Variants in CCL28 observed in about 807,000 individuals in gnomAD.
The protein encoded by CCL28 is C-C motif chemokine 28.
In CCL28, 4 loss-of-function variants were observed where a neutral mutation model predicts 7.1. That is an observed-to-expected ratio of 0.56 (90% CI 0.28 to 1.29). The LOEUF (loss-of-function observed/expected upper bound fraction) is 1.29. Among genes scored for constraint, CCL28 ranks in the 50% most tolerant of loss-of-function variants. CCL28 has a pLI of 0.11. For missense variants in CCL28, 151 were observed against 163.4 expected (o/e 0.92, Z 0.41); for synonymous variants, 55 against 57.8 (o/e 0.95, Z 0.22).
At chr5:43,378,028 G>A (rs918606716), downstream of CCL28, among the ~76,000 whole-genome samples, 6 of 151,826 alleles carry the variant, frequency 4.0e-5, no homozygotes, top group South Asian at 4.2e-4. Flanking sequence ...CACCGCGCCC[G>A]GCCAGAACTT....
intron 1 of CCL28, among the ~76,000 whole-genome samples, chr5:43,390,508 C>G (rs1375610786): frequency 6.6e-6 from 1 of 152,226 alleles, no homozygotes. Flanking sequence ...CAAAGCCCAA[C>G]AGATCCATCT....
chr5:43,394,522 A>C (rs1319967989), intron 1 of CCL28, among the ~76,000 whole-genome samples: 1 of 152,222 alleles, frequency 6.6e-6, no homozygotes. Flanking sequence ...CGTATATCTT[A>C]GATCTATATT....
the CCL28 span, among the ~76,000 whole-genome samples, chr5:43,361,041 A>G: frequency 1.3e-5 from 2 of 152,154 alleles, no homozygotes; most frequent in South Asian, 4.1e-4. Flanking sequence ...CTCATCATTC[A>G]GCTCCCACTT....
downstream of CCL28, among the ~76,000 whole-genome samples, chr5:43,375,805 G>T (rs1444622101): frequency 6.6e-6 from 1 of 152,032 alleles, no homozygotes. Context: ...AATTAGCCGG[G>T]TGTGGTGGTG....
the CCL28 span, among the ~76,000 whole-genome samples, chr5:43,367,180 G>T: frequency 6.6e-6 from 1 of 152,190 alleles, no homozygotes; most frequent in African/African-American, 2.4e-5. Context: ...CTGTGGGGGT[G>T]GATCTGCTGA....
intron 2 of CCL28, chr5:43,388,042 G>C: frequency 4.1e-6 from 1 of 246,808 alleles, no homozygotes; most frequent in East Asian, 8.2e-5. Context: ...CTTTTGTTTG[G>C]GGTTTTGTTT....
chr5:43,368,594 C>T, the CCL28 span, among the ~76,000 whole-genome samples: 2 of 152,192 alleles, frequency 1.3e-5, no homozygotes, highest in Admixed American at 6.5e-5. Context: ...CCCCTACTAC[C>T]TCAGGGTATG....
chr5:43,404,658 A>T (rs1250769510), intron 1 of CCL28, among the ~76,000 whole-genome samples: 2 of 152,186 alleles, frequency 1.3e-5, no homozygotes, highest in African/African-American at 2.4e-5. Context: ...ACACATAACA[A>T]TATTAACCTT....
intron 1 of CCL28, among the ~76,000 whole-genome samples, chr5:43,396,210 C>T (rs145090187): frequency 1.3e-5 from 2 of 152,180 alleles, no homozygotes; most frequent in African/African-American, 4.8e-5. Flanking sequence ...AACTTTCTGA[C>T]GTTGCCATGG....
In CCL28 at chr5:43,388,246, T is replaced by C. The variant is rs923609463; in HGVS notation, c.191+104A>G. 27 of 1,385,292 alleles carry C rather than the reference T, an allele frequency of 1.9e-5. No individual in the cohort carries two copies. In the South Asian group the frequency reaches 3.0e-4, roughly 15 times the overall value. 85.8% of individuals were successfully genotyped at this position (1,385,292 alleles called of 1,614,324 possible). ...ACTCTTCCCTCCCTTGTTTGGATGATTGTTTGTATGTTGTAATCAAGCAAA... is the reference window on the plus strand; with the variant it reads ...ACTCTTCCCTCCCTTGTTTGGATGACTGTTTGTATGTTGTAATCAAGCAAA... On this transcript the variant is annotated intron_variant, in intron 2 of 2. Coordinates refer to ENST00000361115, the MANE Select transcript of CCL28 (RefSeq NM_148672.3).
At chr5:43,364,094 T>C in the CCL28 span, among the ~76,000 whole-genome samples, 2 of 152,232 alleles carry the variant, frequency 1.3e-5, no homozygotes, top group Non-Finnish European at 2.9e-5. Context: ...TATATCTTCT[T>C]TTCTTTTTCT....
intron 1 of CCL28, among the ~76,000 whole-genome samples, chr5:43,390,284 A>G (rs1389756265): frequency 6.6e-6 from 1 of 152,238 alleles, no homozygotes; most frequent in Non-Finnish European, 1.5e-5. Flanking sequence ...TCACACAAAC[A>G]CAAACCTGTA....
the CCL28 span, among the ~76,000 whole-genome samples, chr5:43,366,300 ATTTATC>A: frequency 2.0e-5 from 3 of 151,984 alleles, no homozygotes; most frequent in Non-Finnish European, 4.4e-5. Context: ...ATCTTCATGG[ATTTATC>A]TACCTTTGGT....
intron 1 of CCL28, among the ~76,000 whole-genome samples, chr5:43,402,916 G>T (rs1199535454): frequency 6.6e-6 from 1 of 152,238 alleles, no homozygotes; most frequent in Non-Finnish European, 1.5e-5. Context: ...CTCACTGCTA[G>T]CACAGCGGTC....
intron 1 of CCL28, among the ~76,000 whole-genome samples, chr5:43,407,643 G>A (rs1280298509): frequency 6.6e-6 from 1 of 152,182 alleles, no homozygotes; most frequent in African/African-American, 2.4e-5. Flanking sequence ...ATTGACAAAT[G>A]GGATCTAATT....
At chr5:43,388,328 C>T in intron 2 of CCL28, 22 bp downstream of exon 2, 1 of 1,613,580 alleles carries the variant, frequency 6.2e-7, no homozygotes, top group Non-Finnish European at 8.5e-7. Context: ...AGGTTTAGAC[C>T]TCCCGGCTGA....
intron 2 of CCL28, among the ~76,000 whole-genome samples, chr5:43,386,989 A>T (rs1413914939): frequency 6.6e-6 from 1 of 152,212 alleles, no homozygotes; most frequent in Non-Finnish European, 1.5e-5. Flanking sequence ...TATTTGTTGA[A>T]TTCACTGAAA....
chr5:43,375,773 C>A (rs898813460), downstream of CCL28, among the ~76,000 whole-genome samples: 1 of 151,684 alleles, frequency 6.6e-6, no homozygotes, highest in South Asian at 2.1e-4. Context: ...GGGCGGACCC[C>A]GTCTCTATCA....
chr5:43,380,141 C>T lies in CCL28; in HGVS notation c.*1719G>A, dbSNP rs2111680998. The stretch of plus-strand genomic sequence containing the variant: ...GTCTCAAAAAAAAACAACCAAACAA[C>T]AACAAAAACGTGTGAGAAGGGTGGA... On this transcript the variant is annotated 3_prime_UTR_variant, in exon 3 of 3. Coordinates refer to ENST00000361115, the MANE Select transcript of CCL28 (RefSeq NM_148672.3). 1 of 151,982 alleles carries T rather than the reference C, an allele frequency of 6.6e-6. No individual in the cohort carries two copies. Among genetic ancestry groups the T allele is most frequent in the Non-Finnish European group, 1.5e-5 (1 of 67,982 alleles). The allele number at this position is 151,982 out of a possible 1,614,324, so 9.4% of individuals were successfully genotyped here.
Sources: gnomAD v4.1 joint callset for allele counts (sites outside exome capture counted in the v4.1 genomes callset) on GRCh38, gnomAD v4.1.1 for gene constraint, MANE v1.5 for transcripts, NCBI Gene and HGNC (gene_info 2026-07-23, HGNC 2026-07-21) for gene names.